OXR1: variants seen among roughly 807,000 people sequenced by gnomAD.
The protein encoded by OXR1 is oxidation resistance 1, also known as oxidation resistance protein 1.
A neutral mutation model predicts 104.6 loss-of-function variants in OXR1; 41 were observed. The ratio of observed to expected loss-of-function variants is 0.39; its 90% CI spans 0.31 to 0.51. The LOEUF is 0.51. OXR1 is among the 20% of genes least tolerant of loss of function. OXR1 has a pLI of 0.77. For synonymous variants in OXR1, 348 were observed against 348.4 expected (o/e 1.00, Z 0.01); for missense variants, 955 against 1,031.9 (o/e 0.93, Z 1.02).
chr8:106,508,941 T>G (rs1161549974), intron 2 of OXR1, among the ~76,000 whole-genome samples: 1 of 152,220 alleles, frequency 6.6e-6, no homozygotes, highest in African/African-American at 2.4e-5. Flanking sequence ...TAAGCAAAAC[T>G]ACATTTTAAT....
At chr8:106,437,278 C>G (rs1309270972) in intron 2 of OXR1, among the ~76,000 whole-genome samples, 1 of 152,102 alleles carries the variant, frequency 6.6e-6, no homozygotes, top group African/African-American at 2.4e-5. Flanking sequence ...AATACTATTT[C>G]TAGAAGCTAG....
At chr8:106,650,172 C>T (rs568348770) in intron 3 of OXR1, among the ~76,000 whole-genome samples, 5 of 152,220 alleles carry the variant, frequency 3.3e-5, no homozygotes, top group Admixed American at 1.3e-4. Flanking sequence ...TTTACCAAGG[C>T]TTAATGTTTT....
At chr8:106,675,233 C>T (rs1348618917) in intron 3 of OXR1, among the ~76,000 whole-genome samples, 5 of 152,076 alleles carry the variant, frequency 3.3e-5, no homozygotes, top group Admixed American at 6.6e-5. Context: ...TATTAACAAC[C>T]TCCATTGGTA....
At chr8:106,315,439 A>G (rs892329358) in intron 1 of OXR1, among the ~76,000 whole-genome samples, 1 of 152,202 alleles carries the variant, frequency 6.6e-6, no homozygotes, top group African/African-American at 2.4e-5. Flanking sequence ...ACCTTCTACA[A>G]CCAGATGTTA....
intron 3 of OXR1, among the ~76,000 whole-genome samples, chr8:106,603,946 G>A (rs1177800764): frequency 6.6e-6 from 1 of 151,970 alleles, no homozygotes; most frequent in Non-Finnish European, 1.5e-5. Context: ...CCAGCTACTC[G>A]GGAGGCTGAG....
At chr8:106,396,074 A>C (rs1817766831) in intron 2 of OXR1, among the ~76,000 whole-genome samples, 1 of 151,688 alleles carries the variant, frequency 6.6e-6, no homozygotes, top group East Asian at 1.9e-4. Flanking sequence ...TACTTATATA[A>C]ATACATACAT....
intron 3 of OXR1, among the ~76,000 whole-genome samples, chr8:106,573,886 A>C (rs548646056): frequency 6.6e-6 from 1 of 151,232 alleles, no homozygotes; most frequent in Admixed American, 6.6e-5. Context: ...ATTCTGGGCC[A>C]TGTGGCATTT....
intron 3 of OXR1, among the ~76,000 whole-genome samples, chr8:106,666,245 T>A (rs1826315741): frequency 6.6e-6 from 1 of 152,192 alleles, no homozygotes; most frequent in African/African-American, 2.4e-5. Flanking sequence ...CTGTTTTGGA[T>A]TTTTTTGAGA....
chr8:106,584,579 A>G (rs1818490479), intron 3 of OXR1, among the ~76,000 whole-genome samples: 1 of 152,154 alleles, frequency 6.6e-6, no homozygotes, highest in Non-Finnish European at 1.5e-5. Flanking sequence ...AGAAGCTACG[A>G]AGTAAGAGTA....
At chr8:106,500,845 G>A (rs180701346) in intron 2 of OXR1, among the ~76,000 whole-genome samples, 5 of 152,226 alleles carry the variant, frequency 3.3e-5, no homozygotes, top group Admixed American at 2.0e-4. Context: ...TAAGCACTGG[G>A]GATAAATCAG....
intron 1 of OXR1, among the ~76,000 whole-genome samples, chr8:106,274,603 C>CG (rs1285159952): frequency 7.6e-6 from 1 of 131,546 alleles, no homozygotes; most frequent in Non-Finnish European, 1.7e-5. Context: ...CAACGCCACC[C>CG]CCCCCCCGAC....
chr8:106,707,435 A>G, intron 9 of OXR1: 1 of 566,868 alleles, frequency 1.8e-6, no homozygotes, highest in East Asian at 2.9e-5. Context: ...GAAATTGCAC[A>G]AAAGCTGTAT....
At chr8:106,389,326 G>T (rs184341450) in intron 2 of OXR1, among the ~76,000 whole-genome samples, 1 of 152,120 alleles carries the variant, frequency 6.6e-6, no homozygotes, top group Non-Finnish European at 1.5e-5. Context: ...TAGGCTATTT[G>T]GTAAGTTAAA....
chr8:106,379,206 C>G (rs1009108741), intron 2 of OXR1, among the ~76,000 whole-genome samples: 6 of 152,192 alleles, frequency 3.9e-5, no homozygotes, highest in African/African-American at 1.2e-4. Context: ...TCTGTATTCT[C>G]TCAAGCCCTC....
In OXR1 at chr8:106,509,934, G is replaced by A. The variant is rs898598469; in HGVS notation, c.24-9009G>A. On this transcript the variant is annotated intron_variant, in intron 2 of 16. Coordinates refer to ENST00000517566, the MANE Select transcript of OXR1 (RefSeq NM_001198533.2). ...CTACAGGTGCACACCACCACGCCCC[G>A]CTAATTTTTATATTTTTAGTAGAGA... is the stretch of plus-strand genomic sequence containing the variant. Among the ~76,000 whole-genome samples, 18 of 152,064 alleles carry A rather than the reference G, an allele frequency of 1.2e-4. No homozygotes were observed. The South Asian group carries it at 2.9e-3, about 25-fold the overall frequency.
chr8:106,363,409 A>T (rs1242585928), intron 2 of OXR1, among the ~76,000 whole-genome samples: 2 of 152,222 alleles, frequency 1.3e-5, no homozygotes, highest in African/African-American at 4.8e-5. Context: ...TCTTGCATTT[A>T]TTCCTTAATA....
rs768359264 is a variant in OXR1, at chr8:106,586,549, T to C, written c.220+67410T>C. Among the ~76,000 whole-genome samples the C allele has an allele frequency of 5.3e-5, 8 of 152,112 alleles. 1 individual carries two copies. Among genetic ancestry groups the C allele is most frequent in the Non-Finnish European group, 1.0e-4 (7 of 68,028 alleles). On this transcript the variant is annotated intron_variant, in intron 3 of 16. Coordinates refer to ENST00000517566, the MANE Select transcript of OXR1 (RefSeq NM_001198533.2). Reference sequence around the variant, plus strand: ...CTAGCTGGCTATTTGAATGTGGAGTTTGGGGGAGAAACTGTACTAGAAATA... The same window carrying C: ...CTAGCTGGCTATTTGAATGTGGAGTCTGGGGGAGAAACTGTACTAGAAATA...
chr8:106,419,993 C>A (rs567967175), intron 2 of OXR1, among the ~76,000 whole-genome samples: 1 of 151,990 alleles, frequency 6.6e-6, no homozygotes, highest in Admixed American at 6.6e-5. Flanking sequence ...CTTCTTAGGG[C>A]AGAAAGGAAG....
At chr8:106,329,643 A>G (rs1477134457) in intron 1 of OXR1, among the ~76,000 whole-genome samples, 1 of 152,198 alleles carries the variant, frequency 6.6e-6, no homozygotes, top group Non-Finnish European at 1.5e-5. Flanking sequence ...CACCGCGCCC[A>G]GCCATCAGTG....
Sources: gnomAD v4.1 joint callset for allele counts (sites outside exome capture counted in the v4.1 genomes callset) on GRCh38, gnomAD v4.1.1 for gene constraint, MANE v1.5 for transcripts, NCBI Gene and HGNC (gene_info 2026-07-23, HGNC 2026-07-21) for gene names.